The following SUN1 variants were observed in gnomAD, a reference collection of about 807,000 sequenced individuals.
SUN1 encodes Sad1 and UNC84 domain containing 1.
In SUN1, 61 loss-of-function variants were observed where a neutral mutation model predicts 103.2. The observed-to-expected ratio is 0.59, with a 90% confidence interval of 0.48 to 0.73. The LOEUF (loss-of-function observed/expected upper bound fraction) is 0.73. SUN1 is among the 30% of genes least tolerant of loss of function. The pLI is 0.00. For missense variants in SUN1, 1,052 were observed against 1,034.6 expected (o/e 1.02, Z -0.23); for synonymous variants, 490 against 425.7 (o/e 1.15, Z -1.86).
At chr7:858,018 G>T (rs1364030166) in intron 13 of SUN1, 61 bp downstream of exon 13, 1 of 1,483,270 alleles carries the variant, frequency 6.7e-7, no homozygotes, top group Admixed American at 2.3e-5. Context: ...AACTTGAATT[G>T]ATGACTTAGG....
At position 860,247 on chromosome 7, in the gene SUN1, G is replaced by A. The variant is rs1831136827; in HGVS notation, c.1644G>A (p.Gln548=). The change falls in exon 14 of 19, where the codon CAG becomes CAA. Residue 548 remains glutamine, a synonymous_variant. Coordinates refer to ENST00000401592, the MANE Select transcript of SUN1 (RefSeq NM_001130965.3). ...AGTTTGTGAGCAAAGGCGACTTGCA[G>A]ACGATGCTGCGAGACCTGCAGCTGC... is the stretch of plus-strand genomic sequence containing the variant. ...SSQFVSKGDL[Q]TMLRDLQLQI... is the part of the protein sequence containing the mutation. The A allele has an allele frequency of 1.2e-6, 2 of 1,614,148 alleles. No homozygotes were observed. Among genetic ancestry groups the A allele is most frequent in the African/African-American group, 2.7e-5 (2 of 74,956 alleles).
At chr7:852,284 A>G in intron 7 of SUN1, 1 of 597,924 alleles carries the variant, frequency 1.7e-6, no homozygotes, top group Non-Finnish European at 2.9e-6. Context: ...CCTGGGCAGG[A>G]TGGGGGACCC....
At chr7:853,288 C>A (rs772418441) in intron 9 of SUN1, 121 bp from the exon 10 acceptor site, 94 of 1,130,222 alleles carry the variant, frequency 8.3e-5, no homozygotes, top group Non-Finnish European at 1.2e-4. Flanking sequence ...TGGATTCCTC[C>A]ATTCGTGTGC....
intron 18 of SUN1, 66 bp from the exon 19 acceptor site, chr7:873,149 G>T: frequency 7.2e-7 from 1 of 1,396,914 alleles, no homozygotes; most frequent in Non-Finnish European, 1.0e-6. Context: ...CATATTTGGG[G>T]AAGTGATTGG....
chr7:855,015 T>G lies in SUN1; in HGVS notation c.1350+9T>G. 1 of 1,602,366 alleles carries G rather than the reference T, an allele frequency of 6.2e-7. No homozygotes were observed. Among genetic ancestry groups the G allele is most frequent in the Non-Finnish European group, 8.5e-7 (1 of 1,170,970 alleles). The stretch of plus-strand genomic sequence containing the variant: ...TGAGAGAAAAATCTGAGGTATTTAT[T>G]TTTGACCTTACGCTTTTTTAAAATA... On this transcript the variant is annotated intron_variant, in intron 11 of 18. Coordinates refer to ENST00000401592, the MANE Select transcript of SUN1 (RefSeq NM_001130965.3).
At chr7:869,684 C>G (rs1420945992) in intron 17 of SUN1, among the ~76,000 whole-genome samples, 168 bp downstream of exon 17, 2 of 152,160 alleles carry the variant, frequency 1.3e-5, no homozygotes, top group African/African-American at 2.4e-5. Context: ...GGGAGGGTAA[C>G]TTAGAAATGG....
chr7:819,253 A>G (rs1783796881), intron 1 of SUN1, among the ~76,000 whole-genome samples: 1 of 149,956 alleles, frequency 6.7e-6, no homozygotes, highest in African/African-American at 2.5e-5. Context: ...CTCATTAGAC[A>G]TATGATTAAT....
chr7:838,632 T>C (rs1049527791), intron 1 of SUN1, among the ~76,000 whole-genome samples, 166 bp from the exon 2 acceptor site: 1 of 152,234 alleles, frequency 6.6e-6, no homozygotes, highest in Non-Finnish European at 1.5e-5. Flanking sequence ...CCATGCTGGC[T>C]GACCTGTGTG....
At position 873,959 on chromosome 7, in the gene SUN1, G is replaced by A. The variant is rs1843159170; in HGVS notation, c.*628G>A. The A allele has an allele frequency of 1.3e-5, 2 of 152,340 alleles. No individual in the cohort carries two copies. The highest frequency in any genetic ancestry group is 4.8e-5 in the African/African-American group (2 of 41,450). 9.4% of individuals were successfully genotyped at this position (152,340 alleles called of 1,614,324 possible). ...TGTACCAATATCCATGGAGGAATAT[G>A]GGAGCGTTTCGCTCTCCTTGTAGGC... On this transcript the variant is annotated 3_prime_UTR_variant, in exon 19 of 19. Transcript: ENST00000401592.
chr7:825,146 C>T (rs1031405850), intron 1 of SUN1, among the ~76,000 whole-genome samples: 3 of 152,106 alleles, frequency 2.0e-5, no homozygotes, highest in African/African-American at 7.2e-5. Flanking sequence ...GCAAGCTCCA[C>T]CTCCCGGGTT....
chr7:832,560 C>A lies in SUN1; in HGVS notation c.36C>A (p.Pro12=). ...CTCGGCTTCACATGTACAGTCCTCC[C>A]CAGTGTGTGCCGGAGAACACGGGCT... ...DFSRLHMYSP[P]QCVPENTGYT... is the part of the protein sequence containing the mutation. Residue 12 remains proline (P), a synonymous_variant, in exon 1 of 19, where the codon CCC becomes CCA. Transcript: ENST00000401592. The A allele has an allele frequency of 4.3e-6, 7 of 1,613,238 alleles. No individual in the cohort carries two copies. The highest frequency in any genetic ancestry group is 2.2e-5 in the East Asian group (1 of 44,852).
At chr7:862,905 A>G (rs1833299749) in intron 15 of SUN1, among the ~76,000 whole-genome samples, 1 of 152,202 alleles carries the variant, frequency 6.6e-6, no homozygotes, top group Non-Finnish European at 1.5e-5. Context: ...TAATCCCAGC[A>G]CTTTAGGAGA....
intron 1 of SUN1, among the ~76,000 whole-genome samples, chr7:819,192 C>CTTTT (rs57527104): frequency 7.2e-6 from 1 of 138,776 alleles, no homozygotes; most frequent in African/African-American, 2.7e-5. Context: ...TGGGTTGCCT[C>CTTTT]TTTTTTTTTT....
At position 824,783 on chromosome 7, in the gene SUN1, T is replaced by G. The variant is rs886465823; in HGVS notation, c.-74+8110T>G. 2.0e-5 allele frequency among the ~76,000 whole-genome samples: 3 copies of G among 152,190 alleles called. No homozygotes were observed. In the East Asian group the frequency reaches 5.8e-4, roughly 29 times the overall value. ...AAAACAAGTGAAGAAACGTTGCATC[T>G]TGGCTAGGAACTATCTGTCGATATG... On this transcript the variant is annotated intron_variant, in intron 1 of 17. Coordinates refer to the SUN1 transcript ENST00000389574.
intron 14 of SUN1, among the ~76,000 whole-genome samples, chr7:860,830 T>G (rs548542680): frequency 6.6e-6 from 1 of 152,326 alleles, no homozygotes; most frequent in African/African-American, 2.4e-5. Context: ...GTGTCTTATA[T>G]GGCAGCAGAC....
chr7:870,202 CT>C (rs1458472674), intron 17 of SUN1, among the ~76,000 whole-genome samples: 1 of 64,522 alleles, frequency 1.5e-5, no homozygotes, highest in African/African-American at 6.0e-5. Context: ...GAGACCCTGT[CT>C]TTAAAAAAAA....
At chr7:856,331 C>G (rs1314551774) in intron 11 of SUN1, 27 bp from the exon 12 acceptor site, 1 of 1,610,160 alleles carries the variant, frequency 6.2e-7, no homozygotes, top group Non-Finnish European at 8.5e-7. Flanking sequence ...TTATGTGTTT[C>G]AGTAGACTAT....
At chr7:817,597 T>C in intron 1 of SUN1, 1 of 1,412,244 alleles carries the variant, frequency 7.1e-7, no homozygotes, top group Non-Finnish European at 9.6e-7. Flanking sequence ...TAATTGTGTC[T>C]TCTAAGCTTC....
At chr7:829,557 T>TTG (rs1554260947), upstream of SUN1, among the ~76,000 whole-genome samples, 12 of 150,816 alleles carry the variant, frequency 8.0e-5, no homozygotes, top group East Asian at 2.3e-3. Flanking sequence ...GGTTTTTTTT[T>TTG]TTGTTTTTTT....
Sources: gnomAD v4.1 joint callset for allele counts (sites outside exome capture counted in the v4.1 genomes callset) on GRCh38, gnomAD v4.1.1 for gene constraint, MANE v1.5 for transcripts, NCBI Gene and HGNC (gene_info 2026-07-23, HGNC 2026-07-21) for gene names.